The following SAMD12 variants were observed in gnomAD, a reference collection of about 807,000 sequenced individuals.
SAMD12 encodes the protein sterile alpha motif domain containing 12, also known as sterile alpha motif domain-containing protein 12.
Under a neutral mutation model 15.0 loss-of-function variants are expected in SAMD12, and 9 were observed. That is an observed-to-expected ratio of 0.60 (90% CI 0.36 to 1.05). The LOEUF (loss-of-function observed/expected upper bound fraction) is 1.05, where lower values mean the gene tolerates loss of function less well. SAMD12 is among the 50% of genes least tolerant of loss of function. SAMD12 has a pLI of 0.01. For synonymous variants in SAMD12, 86 were observed against 90.1 expected, an observed-to-expected ratio of 0.96 and a Z score of 0.25; for missense variants, 230 against 234.2, an observed-to-expected ratio of 0.98 and a Z score of 0.12.
chr8:118,458,005 T>C lies in SAMD12; in HGVS notation c.193-18044A>G, dbSNP rs576642295. On this transcript the variant is annotated intron_variant, in intron 2 of 3. Transcript: ENST00000314727. ...ATACTCACTTGGCTCTTGAATTCTA[T>C]TTGTGGAAATGAAATCTTGAATCCC... Among the ~76,000 whole-genome samples the C allele has an allele frequency of 3.9e-5, 6 of 152,318 alleles. No individual in the cohort carries two copies. In the East Asian group the frequency reaches 1.2e-3, roughly 29 times the overall value.
chr8:118,263,933 A>G (rs1485903958), intron 4 of SAMD12, among the ~76,000 whole-genome samples: 3 of 152,138 alleles, frequency 2.0e-5, no homozygotes, highest in Non-Finnish European at 4.4e-5. Flanking sequence ...CTCCTTAGCC[A>G]TGAGATGATG....
chr8:118,584,796 T>C (rs1827390248), intron 1 of SAMD12, among the ~76,000 whole-genome samples: 3 of 151,936 alleles, frequency 2.0e-5, no homozygotes, highest in Admixed American at 6.6e-5. Context: ...CCCCAGAAAA[T>C]TGAAAACCAG....
chr8:118,577,169 A>G (rs979415768), intron 2 of SAMD12, among the ~76,000 whole-genome samples: 1 of 152,076 alleles, frequency 6.6e-6, no homozygotes, highest in Non-Finnish European at 1.5e-5. Context: ...CTTACAGGTG[A>G]TCTGGGTACT....
At chr8:118,292,027 T>C (rs868858643) in intron 4 of SAMD12, among the ~76,000 whole-genome samples, 1 of 151,480 alleles carries the variant, frequency 6.6e-6, no homozygotes, top group Non-Finnish European at 1.5e-5. Context: ...GGCGATGCTT[T>C]AGAAATTGAA....
chr8:118,207,288 G>A (rs1430119027), intron 4 of SAMD12, among the ~76,000 whole-genome samples: 2 of 152,184 alleles, frequency 1.3e-5, no homozygotes, highest in Admixed American at 1.3e-4. Flanking sequence ...ACAGGATGAT[G>A]CATTTCTGGG....
intron 1 of SAMD12, among the ~76,000 whole-genome samples, chr8:118,599,198 G>A (rs1263684890): frequency 6.6e-6 from 1 of 152,186 alleles, no homozygotes; most frequent in African/African-American, 2.4e-5. Flanking sequence ...GTACTTTGTA[G>A]TCTGGCATGG....
intron 2 of SAMD12, among the ~76,000 whole-genome samples, chr8:118,552,003 A>G (rs1313712871): frequency 6.6e-6 from 1 of 151,196 alleles, no homozygotes; most frequent in Non-Finnish European, 1.5e-5. Flanking sequence ...TGAATAGACC[A>G]ATAACAGGAG....
At chr8:118,137,499 TCA>T in the SAMD12 span, among the ~76,000 whole-genome samples, 4 of 152,156 alleles carry the variant, frequency 2.6e-5, no homozygotes, top group Admixed American at 2.0e-4. Context: ...GAAATCGGCC[TCA>T]GTTTCCCCTC....
chr8:118,599,514 G>A (rs1302177609), intron 1 of SAMD12, among the ~76,000 whole-genome samples: 1 of 152,206 alleles, frequency 6.6e-6, no homozygotes, highest in Non-Finnish European at 1.5e-5. Context: ...TACCGCTTCT[G>A]TCAAAAGGCT....
intron 4 of SAMD12, among the ~76,000 whole-genome samples, chr8:118,356,681 C>A (rs1818244091): frequency 6.6e-6 from 1 of 152,240 alleles, no homozygotes; most frequent in South Asian, 2.1e-4. Context: ...AGGTCCCTCA[C>A]TGGAGCATCA....
intron 2 of SAMD12, among the ~76,000 whole-genome samples, chr8:118,552,062 G>C (rs1486304290): frequency 6.6e-6 from 1 of 151,948 alleles, no homozygotes; most frequent in African/African-American, 2.4e-5. Context: ...AAGAGTCCAG[G>C]ACCAGATGGA....
At chr8:118,494,088 C>G (rs961253078) in intron 2 of SAMD12, among the ~76,000 whole-genome samples, 6 of 152,060 alleles carry the variant, frequency 3.9e-5, no homozygotes, top group African/African-American at 9.7e-5. Flanking sequence ...GCACCAGGGT[C>G]CTTATAAGAA....
intron 3 of SAMD12, among the ~76,000 whole-genome samples, chr8:118,435,614 T>C (rs1822557280): frequency 6.6e-6 from 1 of 152,236 alleles, no homozygotes; most frequent in African/African-American, 2.4e-5. Flanking sequence ...AAAGTTTTCT[T>C]AGACTTTGAA....
At chr8:118,190,364 A>G (rs893872918) in exon 5 of SAMD12, 2 of 151,774 alleles carry the variant, frequency 1.3e-5, no homozygotes, top group African/African-American at 4.8e-5. Flanking sequence ...GCACCTCCAC[A>G]CTCTGACGGG....
At chr8:118,276,667 C>T (rs148581150) in intron 4 of SAMD12, among the ~76,000 whole-genome samples, 5 of 152,104 alleles carry the variant, frequency 3.3e-5, no homozygotes, top group African/African-American at 9.6e-5. Context: ...TTTCATTTTT[C>T]TATATTTCTT....
chr8:118,443,238 C>G (rs1822809186), intron 2 of SAMD12, among the ~76,000 whole-genome samples: 1 of 152,118 alleles, frequency 6.6e-6, no homozygotes, highest in African/African-American at 2.4e-5. Context: ...CTGAGGCAGG[C>G]AGATCACCTG....
At chr8:118,530,125 A>G (rs904528259) in intron 2 of SAMD12, among the ~76,000 whole-genome samples, 1 of 152,174 alleles carries the variant, frequency 6.6e-6, no homozygotes, top group Admixed American at 6.5e-5. Context: ...TCTGATGATC[A>G]GTGGTGATGA....
At chr8:118,544,073 C>T (rs1046779804) in intron 2 of SAMD12, among the ~76,000 whole-genome samples, 8 of 152,066 alleles carry the variant, frequency 5.3e-5, no homozygotes, top group Non-Finnish European at 1.0e-4. Flanking sequence ...ACCCATCCCA[C>T]CCAAAACTGA....
At chr8:118,170,606 C>T in the SAMD12 span, among the ~76,000 whole-genome samples, 2 of 152,094 alleles carry the variant, frequency 1.3e-5, no homozygotes, top group Admixed American at 1.3e-4. Context: ...ACAAATGGTG[C>T]TGGAATAGTT....
Sources: allele counts gnomAD v4.1 joint callset (sites outside exome capture counted in the v4.1 genomes callset), GRCh38; gene constraint gnomAD v4.1.1; transcripts MANE v1.5; gene names NCBI Gene and HGNC (gene_info 2026-07-23, HGNC 2026-07-21).